The following PRKAR1B variants were observed in gnomAD, a reference collection of about 807,000 sequenced individuals.
PRKAR1B encodes protein kinase cAMP-dependent type I regulatory subunit beta, also known as cAMP-dependent protein kinase type I-beta regulatory subunit.
A neutral mutation model predicts 46.5 loss-of-function variants in PRKAR1B; 22 were observed. That is an observed-to-expected ratio of 0.47 (90% CI 0.34 to 0.68). The LOEUF is 0.68. Among genes scored for constraint, PRKAR1B ranks in the 30% least tolerant of loss-of-function variants. The pLI, the probability that PRKAR1B is intolerant of heterozygous loss-of-function variation, is 0.01. For missense variants in PRKAR1B, 445 were observed against 535.6 expected, an observed-to-expected ratio of 0.83 and a Z score of 1.67; for synonymous variants, 259 against 217.7, an observed-to-expected ratio of 1.19 and a Z score of -1.67.
At chr7:725,021 T>C (rs1781202775) in intron 1 of PRKAR1B, among the ~76,000 whole-genome samples, 1 of 152,148 alleles carries the variant, frequency 6.6e-6, no homozygotes, top group South Asian at 2.1e-4. Flanking sequence ...GAGACCATCC[T>C]GGCTAACACA....
At chr7:720,497 G>C (rs35595595) in intron 1 of PRKAR1B, among the ~76,000 whole-genome samples, 1 of 152,240 alleles carries the variant, frequency 6.6e-6, no homozygotes, top group African/African-American at 2.4e-5. Flanking sequence ...ACGTCAATTA[G>C]ATCCTGTTGG....
At chr7:552,600 T>C (rs1376684148) in intron 9 of PRKAR1B, among the ~76,000 whole-genome samples, 3 of 152,246 alleles carry the variant, frequency 2.0e-5, no homozygotes, top group African/African-American at 7.2e-5. Flanking sequence ...CCGCGGGACC[T>C]GCCCAGAGAC....
chr7:675,069 G>A lies in PRKAR1B; in HGVS notation c.440+2160C>T, dbSNP rs549536831. On this transcript the variant is annotated intron_variant, in intron 4 of 10. Coordinates refer to ENST00000537384, the MANE Select transcript of PRKAR1B (RefSeq NM_001164760.2). Reference sequence around the variant, plus strand: ...CTCTGACCCAGCAACCTGAATACCAGGAGTCTCCTGCCTAACCACAGCATC... The same window carrying A: ...CTCTGACCCAGCAACCTGAATACCAAGAGTCTCCTGCCTAACCACAGCATC... Among the ~76,000 whole-genome samples the A allele has an allele frequency of 1.5e-3, 233 of 152,304 alleles. 2 individuals carry two copies. The highest frequency in any genetic ancestry group is 5.5e-3 in the African/African-American group (227 of 41,558).
chr7:622,991 G>A (rs1282046367), intron 4 of PRKAR1B, among the ~76,000 whole-genome samples: 1 of 152,152 alleles, frequency 6.6e-6, no homozygotes, highest in African/African-American at 2.4e-5. Flanking sequence ...TTAAGGAAAG[G>A]AAGTGGCCTA....
At chr7:612,857 GAT>G (rs1782603907) in intron 4 of PRKAR1B, among the ~76,000 whole-genome samples, 1 of 150,678 alleles carries the variant, frequency 6.6e-6, no homozygotes, top group Non-Finnish European at 1.5e-5. Context: ...ACACTGAAAA[GAT>G]GTGTGTGTGT....
intron 4 of PRKAR1B, among the ~76,000 whole-genome samples, chr7:672,544 C>A (rs1190512571): frequency 6.6e-6 from 1 of 152,070 alleles, no homozygotes; most frequent in African/African-American, 2.4e-5. Context: ...AAAAAGAAAA[C>A]GTTGGATGGT....
chr7:707,504 G>A (rs565273147), intron 2 of PRKAR1B, among the ~76,000 whole-genome samples: 24 of 152,262 alleles, frequency 1.6e-4, no homozygotes, highest in African/African-American at 3.1e-4. Flanking sequence ...CAAGAAGGCC[G>A]CTGGGATCCG....
intron 4 of PRKAR1B, among the ~76,000 whole-genome samples, chr7:676,025 C>A (rs1320017212): frequency 6.8e-6 from 1 of 146,932 alleles, no homozygotes; most frequent in Non-Finnish European, 1.5e-5. Flanking sequence ...AAATTGACAG[C>A]ACAAGACAAC....
Position 651,738 on chromosome 7 carries a change from CGG to C in PRKAR1B, c.440+25489_440+25490del, listed in dbSNP as rs1222638098. On this transcript the variant is annotated intron_variant, in intron 4 of 10. Coordinates refer to ENST00000537384, the MANE Select transcript of PRKAR1B (RefSeq NM_001164760.2). ...TCTCGGAAGACAGTTCACACCCACA[CGG>C]AGCTAGGAACCTGGGGAAACCCCTC... Among the ~76,000 whole-genome samples, 656 of 137,184 alleles carry C rather than the reference CGG, an allele frequency of 4.8e-3. 2 individuals are homozygous for C. The highest frequency in any genetic ancestry group is 8.5e-3 in the Middle Eastern group (2 of 236). The allele number at this position is 137,184 out of a possible 152,430, so 90.0% of individuals were successfully genotyped here. A position where few individuals can be genotyped will look rare whatever the true frequency, so the allele number is the denominator to read the frequency against.
At chr7:654,147 T>C (rs1045878264) in intron 4 of PRKAR1B, among the ~76,000 whole-genome samples, 2 of 147,546 alleles carry the variant, frequency 1.4e-5, no homozygotes, top group Non-Finnish European at 3.0e-5. Context: ...CACCATCATT[T>C]CTTCACAATC....
At chr7:577,609 A>G (rs939316239) in intron 9 of PRKAR1B, among the ~76,000 whole-genome samples, 3 of 152,192 alleles carry the variant, frequency 2.0e-5, no homozygotes, top group Non-Finnish European at 4.4e-5. Flanking sequence ...GGCCCCAGGC[A>G]GAGCCTCCGG....
chr7:576,290 G>A (rs374512612), intron 9 of PRKAR1B, among the ~76,000 whole-genome samples: 10 of 152,322 alleles, frequency 6.6e-5, no homozygotes, highest in South Asian at 4.1e-4. Flanking sequence ...CTCGGGGCCC[G>A]CCAGAGCCTC....
In PRKAR1B at chr7:688,403, C is replaced by CAA. The variant is rs1255374596; in HGVS notation, c.178-7679_178-7678dup. Among the ~76,000 whole-genome samples the CAA allele has an allele frequency of 1.1e-4, 14 of 132,944 alleles. No individual in the cohort carries two copies. In the East Asian group the frequency reaches 1.5e-3, roughly 14 times the overall value. The allele number at this position is 132,944 out of a possible 152,430, so 87.2% of individuals were successfully genotyped here. ...TGGGCAACAGAGTGAGACTCCATCT[C>CAA]AAAAAAAAAAAAAATACAAGACAGA... On this transcript the variant is annotated intron_variant, in intron 2 of 10. Coordinates refer to ENST00000537384, the MANE Select transcript of PRKAR1B (RefSeq NM_001164760.2).
intron 4 of PRKAR1B, among the ~76,000 whole-genome samples, chr7:613,139 G>A (rs993451565): frequency 6.6e-6 from 1 of 151,474 alleles, no homozygotes; most frequent in African/African-American, 2.4e-5. Context: ...CAACCATAAA[G>A]TAAATAACCT....
chr7:710,923 T>C (rs1251781440), intron 2 of PRKAR1B, among the ~76,000 whole-genome samples: 1 of 152,104 alleles, frequency 6.6e-6, no homozygotes, highest in Non-Finnish European at 1.5e-5. Context: ...GGATGACAGG[T>C]GTGAGCTACC....
intron 1 of PRKAR1B, among the ~76,000 whole-genome samples, chr7:711,987 A>C (rs1262769111): frequency 3.5e-5 from 5 of 143,926 alleles, no homozygotes; most frequent in Admixed American, 3.4e-4. Flanking sequence ...TGAGGGTGAG[A>C]CTGTGGATGG....
chr7:662,550 G>C (rs1427994077), intron 4 of PRKAR1B, among the ~76,000 whole-genome samples: 1 of 133,384 alleles, frequency 7.5e-6, no homozygotes. Flanking sequence ...CAGTGGCACA[G>C]GTCCCCACCC....
intron 9 of PRKAR1B, among the ~76,000 whole-genome samples, chr7:578,035 G>A (rs1384865560): frequency 6.6e-6 from 1 of 152,246 alleles, no homozygotes. Flanking sequence ...CATGGAAAGG[G>A]GCGGGAGCGC....
At chr7:645,134 G>C (rs1450552625) in intron 4 of PRKAR1B, among the ~76,000 whole-genome samples, 2 of 152,116 alleles carry the variant, frequency 1.3e-5, no homozygotes, top group Non-Finnish European at 2.9e-5. Context: ...GGAGGCCAGA[G>C]AGGGCAGCAC....
Sources: allele counts gnomAD v4.1 joint callset (sites outside exome capture counted in the v4.1 genomes callset), GRCh38; gene constraint gnomAD v4.1.1; transcripts MANE v1.5; gene names NCBI Gene and HGNC (gene_info 2026-07-23, HGNC 2026-07-21).